Variants in MYO5B observed in about 807,000 individuals in gnomAD.
The protein encoded by MYO5B is unconventional myosin-Vb.
In MYO5B, 143 loss-of-function variants were observed where a neutral mutation model predicts 229.3. The observed-to-expected ratio is 0.62, with a 90% CI of 0.54 to 0.72. MYO5B has a LOEUF of 0.72. MYO5B is among the 30% of genes least tolerant of loss of function. The pLI, the probability that MYO5B is intolerant of heterozygous loss-of-function variation, is 0.00. For synonymous variants in MYO5B, 918 were observed against 885.2 expected, an observed-to-expected ratio of 1.04 and a Z score of -0.66; for missense variants, 2,321 against 2,331.0, an observed-to-expected ratio of 1.00 and a Z score of 0.09.
At chr18:50,107,109 CTTTTTTTTTT>C (rs71169479) in intron 1 of MYO5B, among the ~76,000 whole-genome samples, 22 of 56,646 alleles carry the variant, frequency 3.9e-4, no homozygotes, top group Admixed American at 1.2e-3. Flanking sequence ...CTTAGGGTGC[CTTTTTTTTTT>C]TTTTTTTTTT....
intron 1 of MYO5B, among the ~76,000 whole-genome samples, chr18:50,132,877 A>G (rs2032275842): frequency 6.6e-6 from 1 of 152,046 alleles, no homozygotes; most frequent in Admixed American, 6.6e-5. Flanking sequence ...GCTTTCCTCC[A>G]CCTCCTTCTC....
chr18:50,154,194 T>C (rs1270283600), intron 1 of MYO5B, among the ~76,000 whole-genome samples: 2 of 152,182 alleles, frequency 1.3e-5, no homozygotes, highest in African/African-American at 2.4e-5. Flanking sequence ...GAAAGAAGGA[T>C]TGGAGAAAGG....
chr18:49,891,008 GC>G (rs1034375449), intron 22 of MYO5B, among the ~76,000 whole-genome samples: 1 of 152,182 alleles, frequency 6.6e-6, no homozygotes, highest in Non-Finnish European at 1.5e-5. Context: ...AAGCTGAAGT[GC>G]CTAGGACAGA....
At chr18:49,993,484 T>C (rs145406467) in intron 5 of MYO5B, among the ~76,000 whole-genome samples, 267 of 152,202 alleles carry the variant, frequency 1.8e-3, no homozygotes, top group African/African-American at 5.8e-3. Context: ...GCCATTGAGT[T>C]GTTACTGAAC....
intron 1 of MYO5B, among the ~76,000 whole-genome samples, chr18:50,124,532 A>AAAAG (rs1362836256): frequency 2.0e-5 from 3 of 152,092 alleles, no homozygotes; most frequent in African/African-American, 4.8e-5. Flanking sequence ...TGTTAAAAAG[A>AAAAG]AAAAAAAGAA....
chr18:49,942,545 G>C (rs1359530118), intron 14 of MYO5B, among the ~76,000 whole-genome samples: 1 of 152,084 alleles, frequency 6.6e-6, no homozygotes, highest in East Asian at 1.9e-4. Flanking sequence ...CCATCAAAAA[G>C]TGGGCGCAGG....
At chr18:50,121,596 A>G (rs2032058955) in intron 1 of MYO5B, among the ~76,000 whole-genome samples, 1 of 152,218 alleles carries the variant, frequency 6.6e-6, no homozygotes, top group Non-Finnish European at 1.5e-5. Context: ...AACTATCACC[A>G]ATGGAAGGCA....
chr18:50,174,165 T>C (rs777431580), intron 1 of MYO5B, among the ~76,000 whole-genome samples: 3 of 152,116 alleles, frequency 2.0e-5, no homozygotes, highest in Non-Finnish European at 4.4e-5. Flanking sequence ...GTGACCCCAC[T>C]CCCAGTACCA....
At chr18:50,159,084 C>T (rs1476961227) in intron 1 of MYO5B, among the ~76,000 whole-genome samples, 1 of 152,108 alleles carries the variant, frequency 6.6e-6, no homozygotes, top group African/African-American at 2.4e-5. Context: ...CCTGGGGAGA[C>T]TCCCAGAGAA....
chr18:49,972,207 T>C lies in MYO5B; in HGVS notation c.1322+2143A>G, dbSNP rs1468062932. Among the ~76,000 whole-genome samples, 5 of 152,240 alleles carry C rather than the reference T, an allele frequency of 3.3e-5. No individual in the cohort carries two copies. In the East Asian group the frequency reaches 7.7e-4, roughly 23 times the overall value. ...AACCAGACAAGCCATCCTTGCGATC[T>C]ATTTCTCCCCTTTAGGCAGTCACAG... On this transcript the variant is annotated intron_variant, in intron 10 of 39. Coordinates refer to ENST00000285039, the MANE Select transcript of MYO5B (RefSeq NM_001080467.3).
intron 1 of MYO5B, among the ~76,000 whole-genome samples, chr18:50,113,213 G>A (rs574845620): frequency 1.3e-4 from 20 of 152,148 alleles, no homozygotes; most frequent in South Asian, 2.1e-4. Flanking sequence ...TCTAAGTACC[G>A]GGCATAAAAC....
chr18:49,889,201 T>C (rs2024680988), intron 22 of MYO5B, among the ~76,000 whole-genome samples: 1 of 152,224 alleles, frequency 6.6e-6, no homozygotes, highest in Admixed American at 6.5e-5. Flanking sequence ...GCTTGTTTAA[T>C]CAAATAATTC....
At chr18:49,885,325 T>C (rs2024630777) in intron 22 of MYO5B, among the ~76,000 whole-genome samples, 1 of 152,122 alleles carries the variant, frequency 6.6e-6, no homozygotes, top group African/African-American at 2.4e-5. Context: ...GACTAGCAAG[T>C]GTGCAATGGC....
chr18:49,875,316 C>T (rs1366162750), intron 26 of MYO5B, among the ~76,000 whole-genome samples: 2 of 152,154 alleles, frequency 1.3e-5, no homozygotes, highest in African/African-American at 2.4e-5. Context: ...CATGCAAGAT[C>T]CCAGGTATGA....
At chr18:50,119,186 T>G (rs1377627903) in intron 1 of MYO5B, among the ~76,000 whole-genome samples, 1 of 152,198 alleles carries the variant, frequency 6.6e-6, no homozygotes, top group Non-Finnish European at 1.5e-5. Context: ...CCCAGGAATC[T>G]GGATTATAAC....
At chr18:49,969,688 G>C (rs1395535841) in intron 10 of MYO5B, 2 of 152,102 alleles carry the variant, frequency 1.3e-5, no homozygotes, top group African/African-American at 4.8e-5. Flanking sequence ...GGCCTTAAAG[G>C]CATTTTTAAA....
At chr18:49,880,517 G>T in intron 22 of MYO5B, 62 bp from the exon 23 acceptor site, 1 of 1,307,960 alleles carries the variant, frequency 7.6e-7, no homozygotes, top group Non-Finnish European at 1.1e-6. Flanking sequence ...GGCTCCTCTT[G>T]TGGGATTTGA....
intron 1 of MYO5B, among the ~76,000 whole-genome samples, chr18:50,065,426 T>TA (rs1568092680): frequency 6.6e-6 from 1 of 152,126 alleles, no homozygotes; most frequent in Admixed American, 6.5e-5. Context: ...TCAGGAAACT[T>TA]ACAATCATGG....
chr18:50,072,394 AGAGT>A (rs1471044406), intron 1 of MYO5B, among the ~76,000 whole-genome samples: 1 of 152,184 alleles, frequency 6.6e-6, no homozygotes, highest in East Asian at 1.9e-4. Flanking sequence ...GAGAGAGACA[AGAGT>A]GAGTAGGGAA....
Sources: gnomAD v4.1 joint callset for allele counts (sites outside exome capture counted in the v4.1 genomes callset) on GRCh38, gnomAD v4.1.1 for gene constraint, MANE v1.5 for transcripts, NCBI Gene and HGNC (gene_info 2026-07-23, HGNC 2026-07-21) for gene names.